Variants in HGSNAT observed in about 807,000 individuals in gnomAD.
HGSNAT encodes the protein transmembrane protein 76.
In HGSNAT, 59 loss-of-function variants were observed where a neutral mutation model predicts 85.2. The observed-to-expected ratio is 0.69, with a 90% CI of 0.56 to 0.86. HGSNAT has a LOEUF of 0.86. Ranked by LOEUF, HGSNAT falls within the 40% of genes least tolerant of loss-of-function variation. The pLI, the probability that HGSNAT is intolerant of heterozygous loss-of-function variation, is 0.00. For synonymous variants in HGSNAT, 321 were observed against 304.5 expected, an observed-to-expected ratio of 1.05 and a Z score of -0.56; for missense variants, 756 against 777.1, an observed-to-expected ratio of 0.97 and a Z score of 0.32.
intron 12 of HGSNAT, 35 bp from the exon 13 acceptor site, chr8:43,192,269 G>A (rs1804562056): frequency 6.3e-7 from 1 of 1,586,452 alleles, no homozygotes; most frequent in Non-Finnish European, 8.6e-7. Flanking sequence ...CCCTTATGAG[G>A]TCTTGTCATT....
intron 2 of HGSNAT, among the ~76,000 whole-genome samples, chr8:43,153,661 A>G (rs1802993259): frequency 6.6e-6 from 1 of 152,186 alleles, no homozygotes; most frequent in South Asian, 2.1e-4. Flanking sequence ...GTGTCACCAG[A>G]ACTGATCCCA....
chr8:43,146,263 T>A (rs1802707595), intron 1 of HGSNAT, among the ~76,000 whole-genome samples: 1 of 152,286 alleles, frequency 6.6e-6, no homozygotes, highest in South Asian at 2.1e-4. Flanking sequence ...CCATGGAAAT[T>A]AGGATATTCC....
At chr8:43,169,383 G>A (rs1803540551) in intron 6 of HGSNAT, 141 bp downstream of exon 6, 2 of 515,316 alleles carry the variant, frequency 3.9e-6, no homozygotes, top group East Asian at 6.2e-5. Context: ...CTAATAGAGA[G>A]CAGCCCTCTC....
At chr8:43,154,376 G>A (rs1377392952) in intron 2 of HGSNAT, among the ~76,000 whole-genome samples, 1 of 142,290 alleles carries the variant, frequency 7.0e-6, no homozygotes, top group Non-Finnish European at 1.5e-5. Flanking sequence ...CCTGGTGTGT[G>A]ATGTTCCCCT....
At position 43,156,065 on chromosome 8, in the gene HGSNAT, C is replaced by A. The variant is rs570840541; in HGVS notation, c.235-2510C>A. 1.6e-3 allele frequency among the ~76,000 whole-genome samples: 251 copies of A among 152,146 alleles called. 4 individuals carry two copies. Among genetic ancestry groups the A allele is most frequent in the African/African-American group, 3.7e-3 (153 of 41,518 alleles). On this transcript the variant is annotated intron_variant, in intron 2 of 17. Coordinates refer to ENST00000379644, the MANE Select transcript of HGSNAT (RefSeq NM_152419.3). ...ATGTTGGCCAGGCTGGTCTCGAATTCCTGACCTCAGGTGATCTGCCAGCCT... is the reference window on the plus strand; with the variant it reads ...ATGTTGGCCAGGCTGGTCTCGAATTACTGACCTCAGGTGATCTGCCAGCCT...
chr8:43,192,731 T>A (rs1249077709), intron 13 of HGSNAT, among the ~76,000 whole-genome samples: 2 of 150,930 alleles, frequency 1.3e-5, no homozygotes, highest in African/African-American at 4.9e-5. Context: ...GAGACCAGCC[T>A]GTGCAATAGT....
chr8:43,174,863 A>T (rs1007052132), intron 9 of HGSNAT, among the ~76,000 whole-genome samples: 3 of 152,120 alleles, frequency 2.0e-5, no homozygotes, highest in South Asian at 2.1e-4. Flanking sequence ...GATCTTATTC[A>T]TTCCATCCAG....
intron 10 of HGSNAT, among the ~76,000 whole-genome samples, chr8:43,178,653 G>T (rs1482797076): frequency 2.1e-5 from 3 of 141,764 alleles, no homozygotes; most frequent in African/African-American, 8.5e-5. Flanking sequence ...ATTCTTGGGT[G>T]TTGGGATTTG....
intron 6 of HGSNAT, among the ~76,000 whole-genome samples, chr8:43,169,790 T>G (rs1444308341): frequency 6.6e-6 from 1 of 152,226 alleles, no homozygotes; most frequent in African/African-American, 2.4e-5. Context: ...AGATGGGATC[T>G]TTACAAAAGC....
intron 14 of HGSNAT, 46 bp downstream of exon 14, chr8:43,193,889 A>G: frequency 6.2e-7 from 1 of 1,603,858 alleles, no homozygotes; most frequent in African/African-American, 1.3e-5. Context: ...AATTTATGAT[A>G]TTTTATTCAC....
chr8:43,170,057 G>T (rs1803564574), intron 6 of HGSNAT, among the ~76,000 whole-genome samples: 1 of 152,184 alleles, frequency 6.6e-6, no homozygotes, highest in Admixed American at 6.5e-5. Flanking sequence ...TTGGGCTCAA[G>T]AGATTTGCCC....
intron 11 of HGSNAT, 33 bp downstream of exon 11, chr8:43,182,293 T>G: frequency 6.6e-7 from 1 of 1,524,022 alleles, no homozygotes; most frequent in Non-Finnish European, 9.1e-7. Context: ...AGAAAAACTT[T>G]TTTTAAATTA....
chr8:43,179,595 T>C (rs1243697223), intron 10 of HGSNAT, among the ~76,000 whole-genome samples: 296 of 58,724 alleles, frequency 5.0e-3, no homozygotes, highest in Middle Eastern at 0.018. Flanking sequence ...CTCCTCACTT[T>C]CCAGTAGGGG....
chr8:43,197,480 A>C, intron 15 of HGSNAT, 192 bp from the exon 16 acceptor site: 1 of 596,228 alleles, frequency 1.7e-6, no homozygotes, highest in Non-Finnish European at 3.0e-6. Context: ...TAGAATGGTG[A>C]AGAGATTTTG....
intron 7 of HGSNAT, 68 bp from the exon 8 acceptor site, chr8:43,172,242 T>A (rs981101102): frequency 2.9e-6 from 3 of 1,042,734 alleles, no homozygotes; most frequent in East Asian, 2.4e-5. Flanking sequence ...TATAAATGTG[T>A]CTTCAGTTCA....
chr8:43,191,515 G>T lies in HGSNAT; in HGVS notation c.1170G>T (p.Trp390Cys). ...CTCTTCGAGACATCACGTCCAGCTG[G>T]CCCCAGTGGCTGCTCATCCTGGTGC... ...CLSLRDITSS[W>C]PQWLLILVLE... Residue 390 changes from tryptophan (W) to cysteine (C), a missense_variant, in exon 12 of 18, where the codon TGG becomes TGT. Physicochemically the swap from Trp to Cys is radical, Grantham distance 215. Transcript: ENST00000379644. 6.2e-7 allele frequency: 1 copy of T among 1,613,934 alleles called. No homozygotes were observed. The highest frequency in any genetic ancestry group is 8.5e-7 in the Non-Finnish European group (1 of 1,179,868).
intron 10 of HGSNAT, among the ~76,000 whole-genome samples, chr8:43,180,943 A>C: frequency 9.9e-6 from 1 of 101,366 alleles, no homozygotes; most frequent in South Asian, 4.2e-4. Context: ...AAAACCGAAA[A>C]CCAGTCAGGC....
chr8:43,145,426 G>C (rs1330558288), intron 1 of HGSNAT, among the ~76,000 whole-genome samples: 1 of 152,164 alleles, frequency 6.6e-6, no homozygotes, highest in African/African-American at 2.4e-5. Context: ...TTCACTGAGA[G>C]CTAAATAAGG....
intron 2 of HGSNAT, among the ~76,000 whole-genome samples, chr8:43,157,996 TATGCAAGACTTA>T (rs911061884): frequency 6.6e-5 from 10 of 152,220 alleles, no homozygotes; most frequent in South Asian, 2.1e-4. Context: ...ATATTAAATT[TATGCAAGACTTA>T]ATGCAAGACT....
Sources: gnomAD v4.1 joint callset for allele counts (sites outside exome capture counted in the v4.1 genomes callset) on GRCh38, gnomAD v4.1.1 for gene constraint, MANE v1.5 for transcripts, NCBI Gene and HGNC (gene_info 2026-07-23, HGNC 2026-07-21) for gene names.